Variants in KCTD5 observed in about 807,000 individuals in gnomAD.
The protein encoded by KCTD5 is potassium channel tetramerization domain containing 5.
A neutral mutation model predicts 27.9 loss-of-function variants in KCTD5; 12 were observed. The ratio of observed to expected loss-of-function variants is 0.43; its 90% CI spans 0.28 to 0.70. The LOEUF is 0.70. KCTD5 is among the 30% of genes least tolerant of loss of function. The pLI, the probability that KCTD5 is intolerant of heterozygous loss-of-function variation, is 0.19. For missense variants in KCTD5, 226 were observed against 274.8 expected (o/e 0.82, Z 1.26); for synonymous variants, 147 against 121.4 (o/e 1.21, Z -1.39).
intron 5 of KCTD5, among the ~76,000 whole-genome samples, chr16:2,703,640 G>T (rs1241109132): frequency 2.0e-5 from 3 of 152,210 alleles, no homozygotes; most frequent in Non-Finnish European, 4.4e-5. Flanking sequence ...TCGGAGGCCT[G>T]CGGCCAGCTC....
chr16:2,696,593 G>A (rs1369407883), intron 2 of KCTD5, among the ~76,000 whole-genome samples: 1 of 152,232 alleles, frequency 6.6e-6, no homozygotes, highest in Non-Finnish European at 1.5e-5. Flanking sequence ...TGCGGTGCTG[G>A]CTTGGCTCAG....
rs1025755617 is a variant in KCTD5 at position 2,687,618 on chromosome 16, C to T, written c.252+4818C>T. On this transcript the variant is annotated intron_variant, in intron 1 of 5. Transcript: ENST00000301738. ...GGTCACGGAGTGAGGTCTAAAGCCTCGCCAGGGCTGTGGCCGTGATGGGGG... is the reference window on the plus strand; with the variant it reads ...GGTCACGGAGTGAGGTCTAAAGCCTTGCCAGGGCTGTGGCCGTGATGGGGG... Among the ~76,000 whole-genome samples the T allele has an allele frequency of 6.6e-5, 10 of 152,214 alleles. 1 individual carries two copies. The highest frequency in any genetic ancestry group is 4.1e-4 in the South Asian group (2 of 4,826).
intron 4 of KCTD5, 43 bp downstream of exon 4, chr16:2,699,959 G>T: frequency 1.3e-6 from 2 of 1,560,194 alleles, no homozygotes; most frequent in South Asian, 2.2e-5. Flanking sequence ...TGCTGCAGCT[G>T]AACTTGTGCT....
intron 4 of KCTD5, among the ~76,000 whole-genome samples, chr16:2,700,543 C>T (rs547296374): frequency 5.3e-5 from 8 of 152,288 alleles, no homozygotes; most frequent in South Asian, 4.1e-4. Flanking sequence ...GGCCTCTGAC[C>T]GGGGGGCCCT....
chr16:2,687,982 G>T (rs1414866856), intron 1 of KCTD5, among the ~76,000 whole-genome samples: 3 of 151,972 alleles, frequency 2.0e-5, no homozygotes, highest in African/African-American at 7.3e-5. Context: ...GAGTTGGGGA[G>T]CCTGGGTTGG....
At chr16:2,693,208 C>T (rs776113908) in intron 1 of KCTD5, among the ~76,000 whole-genome samples, 2 of 152,218 alleles carry the variant, frequency 1.3e-5, no homozygotes, top group Non-Finnish European at 2.9e-5. Context: ...CCATGCTGCT[C>T]TCCTGCCATG....
intron 1 of KCTD5, among the ~76,000 whole-genome samples, chr16:2,686,885 A>G (rs1050071793): frequency 2.0e-5 from 3 of 152,054 alleles, no homozygotes; most frequent in Non-Finnish European, 4.4e-5. Context: ...TCTAGTGGAG[A>G]TGGCAGATGA....
chr16:2,689,737 G>A (rs956091819), intron 1 of KCTD5, among the ~76,000 whole-genome samples: 4 of 151,074 alleles, frequency 2.6e-5, no homozygotes, highest in Non-Finnish European at 5.9e-5. Context: ...GGAGTGTAAT[G>A]CACAATTTTG....
intron 3 of KCTD5, chr16:2,699,255 C>T (rs2067600668): frequency 4.4e-6 from 2 of 455,770 alleles, no homozygotes; most frequent in South Asian, 1.5e-5. Flanking sequence ...GCCCTGGTGG[C>T]TCACCATCAC....
intron 5 of KCTD5, among the ~76,000 whole-genome samples, chr16:2,704,029 C>T (rs1423699069): frequency 1.3e-5 from 2 of 152,226 alleles, no homozygotes; most frequent in Non-Finnish European, 2.9e-5. Flanking sequence ...CCCTGGGCTC[C>T]TATCCCTCAG....
intron 1 of KCTD5, among the ~76,000 whole-genome samples, chr16:2,694,167 A>T (rs1487978193): frequency 6.7e-6 from 1 of 149,322 alleles, no homozygotes; most frequent in Non-Finnish European, 1.5e-5. Context: ...CTTTGTGGGA[A>T]ATGGTGTCCA....
At chr16:2,691,487 G>C (rs2067566451) in intron 1 of KCTD5, among the ~76,000 whole-genome samples, 1 of 152,232 alleles carries the variant, frequency 6.6e-6, no homozygotes, top group Non-Finnish European at 1.5e-5. Context: ...GCAGGGCTCT[G>C]CAGTGTCACT....
chr16:2,702,002 G>A (rs2067614024), intron 4 of KCTD5, among the ~76,000 whole-genome samples: 1 of 152,174 alleles, frequency 6.6e-6, no homozygotes, highest in Admixed American at 6.5e-5. Context: ...GGTTTTCAGA[G>A]CCGCCCTCCA....
intron 1 of KCTD5, among the ~76,000 whole-genome samples, chr16:2,692,000 G>C (rs994926011): frequency 6.6e-6 from 1 of 152,188 alleles, no homozygotes; most frequent in South Asian, 2.1e-4. Flanking sequence ...GCGTCCGGGG[G>C]CTTCCTGGTC....
chr16:2,707,652 G>A lies in KCTD5; in HGVS notation c.*325G>A. The A allele has an allele frequency of 1.7e-6, 1 of 594,612 alleles. No individual in the cohort carries two copies. The highest frequency in any genetic ancestry group is 3.0e-6 in the Non-Finnish European group (1 of 334,002). 36.8% of individuals were successfully genotyped at this position (594,612 alleles called of 1,614,324 possible). A position where few individuals can be genotyped will look rare whatever the true frequency, so the allele number is the denominator to read the frequency against. ...GCTCGATCCTGAAGATCGTGTGAAG[G>A]AAGCGTTCTTGGTGCTACACACAGT... On this transcript the variant is annotated 3_prime_UTR_variant, in exon 6 of 6. Coordinates refer to ENST00000301738, the MANE Select transcript of KCTD5 (RefSeq NM_018992.4).
intron 4 of KCTD5, among the ~76,000 whole-genome samples, chr16:2,700,222 C>T (rs563686868): frequency 6.6e-6 from 1 of 152,160 alleles, no homozygotes; most frequent in Non-Finnish European, 1.5e-5. Context: ...AGGGGACTGG[C>T]GTCCCCAGAG....
chr16:2,701,861 G>T (rs1272235685), intron 4 of KCTD5, among the ~76,000 whole-genome samples: 4 of 152,216 alleles, frequency 2.6e-5, no homozygotes, highest in Non-Finnish European at 4.4e-5. Flanking sequence ...TGACCCGGAG[G>T]GAGGCAGGTT....
intron 5 of KCTD5, among the ~76,000 whole-genome samples, chr16:2,704,802 G>T (rs905981111): frequency 6.6e-6 from 1 of 152,220 alleles, no homozygotes; most frequent in Non-Finnish European, 1.5e-5. Context: ...GGGGTCCACA[G>T]AGCCCACGCA....
chr16:2,693,758 TCA>T (rs1308772768), intron 1 of KCTD5, among the ~76,000 whole-genome samples: 1 of 152,128 alleles, frequency 6.6e-6, no homozygotes, highest in Admixed American at 6.5e-5. Flanking sequence ...AGGTCACGGC[TCA>T]GTGCCCAGGT....
Sources: gnomAD v4.1 joint callset for allele counts (sites outside exome capture counted in the v4.1 genomes callset) on GRCh38, gnomAD v4.1.1 for gene constraint, MANE v1.5 for transcripts, NCBI Gene and HGNC (gene_info 2026-07-23, HGNC 2026-07-21) for gene names.